Variants in DMD observed in about 807,000 individuals in gnomAD.
DMD encodes mutant dystrophin.
DMD carries 63 observed loss-of-function variants against 330.1 expected under a neutral mutation model. The observed-to-expected ratio is 0.19, with a 90% CI of 0.16 to 0.24. DMD has a LOEUF of 0.24. Among genes scored for constraint, DMD ranks in the 10% least tolerant of loss-of-function variants. The pLI is 1.00. For missense variants in DMD, 3,344 were observed against 2,684.1 expected (o/e 1.25, Z -5.43); for synonymous variants, 1,223 against 959.8 (o/e 1.27, Z -5.07).
chrX:32,243,253 A>G (rs1308475034), intron 43 of DMD, among the ~76,000 whole-genome samples: 2 of 111,208 alleles, frequency 1.8e-5, no homozygotes, highest in Non-Finnish European at 3.8e-5. Flanking sequence ...GGTTGATGAT[A>G]GCCTGACAAG....
At chrX:32,844,096 C>A (rs746242106) in intron 4 of DMD, among the ~76,000 whole-genome samples, 2 of 111,559 alleles carry the variant, frequency 1.8e-5, no homozygotes, top group Non-Finnish European at 3.8e-5. Context: ...GTTTGTTGCA[C>A]AAAACACTGC....
At chrX:31,878,072 T>C (rs1176929102) in intron 47 of DMD, among the ~76,000 whole-genome samples, 1 of 112,089 alleles carries the variant, frequency 8.9e-6, no homozygotes, top group Non-Finnish European at 1.9e-5. Context: ...GCTGGTTTCC[T>C]TATCATCCTC....
chrX:31,815,008 G>C (rs766655123), intron 50 of DMD, among the ~76,000 whole-genome samples: 2 of 112,255 alleles, frequency 1.8e-5, no homozygotes, highest in East Asian at 5.6e-4. Context: ...TTTCCCTTTA[G>C]CATTCACAGC....
At chrX:32,585,732 AATATTATTGTTC>A (rs1472602913) in intron 13 of DMD, among the ~76,000 whole-genome samples, 2 of 88,404 alleles carry the variant, frequency 2.3e-5, no homozygotes, top group Admixed American at 1.3e-4. Context: ...AAAAAAAAAG[AATATTATTGTTC>A]CAGCATACTT....
chrX:31,443,025 A>G (rs2065048752), intron 60 of DMD, among the ~76,000 whole-genome samples: 1 of 111,264 alleles, frequency 9.0e-6, no homozygotes, highest in South Asian at 3.9e-4. Context: ...TCACACCCCT[A>G]AATGGACTGA....
chrX:32,993,549 G>C (rs2093036323), intron 2 of DMD, among the ~76,000 whole-genome samples: 1 of 108,932 alleles, frequency 9.2e-6, no homozygotes, highest in African/African-American at 3.4e-5. Flanking sequence ...GTTGCAGTGA[G>C]CTGATATCAT....
At chrX:33,237,047 T>G (rs1423147941) in intron 1 of DMD, among the ~76,000 whole-genome samples, 1 of 111,300 alleles carries the variant, frequency 9.0e-6, no homozygotes, top group Non-Finnish European at 1.9e-5. Context: ...ATAGACTATG[T>G]CAGCCCCATT....
intron 53 of DMD, among the ~76,000 whole-genome samples, chrX:31,675,730 T>C (rs1441701188): frequency 3.6e-5 from 4 of 111,486 alleles, no homozygotes; most frequent in Non-Finnish European, 5.6e-5. Flanking sequence ...GACATAAAGA[T>C]GGAAATTAAT....
At chrX:32,512,858 G>T (rs572050025) in intron 18 of DMD, among the ~76,000 whole-genome samples, 21 of 111,699 alleles carry the variant, frequency 1.9e-4, no homozygotes, top group Admixed American at 9.5e-4. Context: ...TACATGATAG[G>T]GGGCATCAAG....
At chrX:32,478,676 A>G (rs1466953907) in intron 21 of DMD, among the ~76,000 whole-genome samples, 1 of 111,834 alleles carries the variant, frequency 8.9e-6, no homozygotes, top group Non-Finnish European at 1.9e-5. Flanking sequence ...TCAACATTTT[A>G]GCCCAATTTC....
chrX:31,247,168 G>A (rs905157077), intron 63 of DMD, among the ~76,000 whole-genome samples: 1 of 111,747 alleles, frequency 8.9e-6, no homozygotes, highest in African/African-American at 3.3e-5. Context: ...TTTCATGCCC[G>A]CTTACACAAC....
chrX:32,564,740 TC>T lies in DMD; in HGVS notation c.1992+961del, dbSNP rs1463555856. The stretch of plus-strand genomic sequence containing the variant: ...TTTATTACGCTGTCTTAAATTGTAT[TC>T]CTGGAGGCAATACTACAAACTTCAT... On this transcript the variant is annotated intron_variant, in intron 16 of 78. Transcript: ENST00000357033. 2.7e-5 allele frequency among the ~76,000 whole-genome samples: 3 copies of T among 111,873 alleles called. No individual in the cohort carries two copies. In the Admixed American group the frequency reaches 2.9e-4, roughly 11 times the overall value.
intron 44 of DMD, among the ~76,000 whole-genome samples, chrX:32,113,933 T>A (rs1001313944): frequency 3.2e-5 from 3 of 94,546 alleles, no homozygotes; most frequent in African/African-American, 1.2e-4. Context: ...CGATAATTTA[T>A]CATTGTTTCT....
At chrX:31,553,594 T>C (rs1396968108) in intron 55 of DMD, among the ~76,000 whole-genome samples, 1 of 112,530 alleles carries the variant, frequency 8.9e-6, no homozygotes, top group Non-Finnish European at 1.9e-5. Context: ...AATATGTACA[T>C]ATAAAAATCA....
chrX:31,915,530 T>C (rs997144377), intron 47 of DMD, among the ~76,000 whole-genome samples: 1 of 111,742 alleles, frequency 8.9e-6, no homozygotes, highest in Non-Finnish European at 1.9e-5. Context: ...TTAATGTTTG[T>C]CCCCCTCCAA....
chrX:32,560,466 T>A (rs2050862898), intron 16 of DMD, among the ~76,000 whole-genome samples: 1 of 110,870 alleles, frequency 9.0e-6, no homozygotes, highest in African/African-American at 3.3e-5. Context: ...AGTTCCAGGG[T>A]ACACGTATTG....
intron 9 of DMD, among the ~76,000 whole-genome samples, chrX:32,692,611 A>G (rs2063358087): frequency 1.8e-5 from 2 of 111,608 alleles, no homozygotes; most frequent in African/African-American, 6.5e-5. Flanking sequence ...AGGCATTACT[A>G]TGTTCTGCTC....
intron 55 of DMD, among the ~76,000 whole-genome samples, chrX:31,590,817 G>T (rs2076834505): frequency 9.0e-6 from 1 of 111,694 alleles, no homozygotes; most frequent in African/African-American, 3.2e-5. Flanking sequence ...AAAATACTAT[G>T]GCATTAAGAC....
chrX:32,761,070 C>A (rs183604865), intron 7 of DMD, among the ~76,000 whole-genome samples: 1 of 111,793 alleles, frequency 8.9e-6, no homozygotes, highest in Admixed American at 9.5e-5. Context: ...TATTTGAACT[C>A]TTTGGACTAC....
Sources: gnomAD v4.1 joint callset for allele counts (sites outside exome capture counted in the v4.1 genomes callset) on GRCh38, gnomAD v4.1.1 for gene constraint, MANE v1.5 for transcripts, NCBI Gene and HGNC (gene_info 2026-07-23, HGNC 2026-07-21) for gene names.